VWA3B: variants seen among roughly 807,000 people sequenced by gnomAD.
VWA3B encodes the protein von Willebrand factor A domain-containing protein 3B.
A neutral mutation model predicts 158.3 loss-of-function variants in VWA3B; 138 were observed. The ratio of observed to expected loss-of-function variants is 0.87; its 90% CI spans 0.76 to 1.00. The LOEUF (loss-of-function observed/expected upper bound fraction) is 1.00, where lower values mean the gene tolerates loss of function less well. VWA3B is among the 50% of genes least tolerant of loss of function. The pLI is 0.00. For missense variants in VWA3B, 1,555 were observed against 1,565.1 expected (o/e 0.99, Z 0.11); for synonymous variants, 596 against 587.3 (o/e 1.01, Z -0.21).
intron 1 of VWA3B, among the ~76,000 whole-genome samples, chr2:98,090,420 A>G (rs1682195457): frequency 6.6e-6 from 1 of 152,238 alleles, no homozygotes. Context: ...TGTTTCCAAC[A>G]TATAAAGTGC....
At chr2:98,135,511 A>G (rs1378975985) in intron 7 of VWA3B, among the ~76,000 whole-genome samples, 2 of 149,446 alleles carry the variant, frequency 1.3e-5, no homozygotes, top group East Asian at 3.9e-4. Flanking sequence ...AATTTTTTGT[A>G]TTTTTAGTAG....
intron 19 of VWA3B, among the ~76,000 whole-genome samples, chr2:98,246,808 G>A (rs1488724991): frequency 7.2e-5 from 11 of 152,106 alleles, no homozygotes; most frequent in Non-Finnish European, 1.0e-4. Flanking sequence ...ATGTTTTTGA[G>A]ATTTTATCTA....
chr2:98,134,320 T>C (rs992954612), intron 7 of VWA3B, among the ~76,000 whole-genome samples: 1 of 152,170 alleles, frequency 6.6e-6, no homozygotes, highest in Non-Finnish European at 1.5e-5. Context: ...CTCCCTGTGA[T>C]GAAAGCAGGG....
intron 3 of VWA3B, among the ~76,000 whole-genome samples, chr2:98,118,255 G>A (rs1366657145): frequency 6.6e-6 from 1 of 152,138 alleles, no homozygotes; most frequent in African/African-American, 2.4e-5. Flanking sequence ...GGATGCTGGT[G>A]AAGGAGCTGG....
At chr2:98,097,239 A>T (rs1682778952) in intron 2 of VWA3B, among the ~76,000 whole-genome samples, 1 of 152,100 alleles carries the variant, frequency 6.6e-6, no homozygotes, top group African/African-American at 2.4e-5. Flanking sequence ...TTAGTTTTTT[A>T]TTCCTCACCG....
At chr2:98,326,639 T>C in the VWA3B span, among the ~76,000 whole-genome samples, 1 of 152,044 alleles carries the variant, frequency 6.6e-6, no homozygotes, top group African/African-American at 2.4e-5. Context: ...CATGCACCTG[T>C]GGTCCCAGTT....
chr2:98,266,024 G>A (rs1339389133), intron 21 of VWA3B, among the ~76,000 whole-genome samples: 5 of 146,776 alleles, frequency 3.4e-5, no homozygotes, highest in Non-Finnish European at 6.1e-5. Context: ...AGTTTCTTTT[G>A]CTGTGCAGAA....
At chr2:98,216,877 G>A in intron 13 of VWA3B, 1 of 1,222,028 alleles carries the variant, frequency 8.2e-7, no homozygotes, top group Non-Finnish European at 1.1e-6. Flanking sequence ...GGGCAGTGCT[G>A]GATGAGCTTC....
At chr2:98,193,122 A>C in intron 11 of VWA3B, 86 bp downstream of exon 11, 1 of 1,497,380 alleles carries the variant, frequency 6.7e-7, no homozygotes, top group Non-Finnish European at 8.9e-7. Context: ...TGCTCTAAAA[A>C]ATTCCTAAGA....
intron 1 of VWA3B, among the ~76,000 whole-genome samples, chr2:98,087,693 AT>A (rs1380881441): frequency 2.0e-5 from 3 of 152,202 alleles, no homozygotes; most frequent in Admixed American, 2.0e-4. Context: ...GTTCAAGGTG[AT>A]GAAGTCCACC....
chr2:98,216,745 T>C (rs759342255), intron 13 of VWA3B: 7 of 475,578 alleles, frequency 1.5e-5, no homozygotes, highest in Admixed American at 4.7e-5. Context: ...ATTTGTGGAA[T>C]GCCTTCCAGG....
intron 6 of VWA3B, among the ~76,000 whole-genome samples, chr2:98,129,206 G>GA (rs1553640725): frequency 2.0e-4 from 26 of 128,340 alleles, no homozygotes; most frequent in Non-Finnish European, 2.2e-4. Context: ...GAGAGAGAGA[G>GA]GAGAGAGAGA....
chr2:98,218,094 G>A (rs1213103599), intron 14 of VWA3B, 66 bp downstream of exon 14: 1 of 1,486,150 alleles, frequency 6.7e-7, no homozygotes, highest in Non-Finnish European at 9.0e-7. Flanking sequence ...GGCGGTCCCT[G>A]GGTAATACCT....
At chr2:98,172,623 C>G (rs1007934208) in intron 8 of VWA3B, among the ~76,000 whole-genome samples, 4 of 152,172 alleles carry the variant, frequency 2.6e-5, no homozygotes, top group Non-Finnish European at 4.4e-5. Context: ...ACTTCCATAT[C>G]GTTTAAAGGG....
chr2:98,278,361 C>A (rs186591368), intron 22 of VWA3B, among the ~76,000 whole-genome samples: 1 of 152,340 alleles, frequency 6.6e-6, no homozygotes, highest in East Asian at 1.9e-4. Context: ...CCCCAGAGGG[C>A]GTGTGTTACC....
intron 22 of VWA3B, among the ~76,000 whole-genome samples, chr2:98,286,482 A>G (rs1689172657): frequency 6.6e-6 from 1 of 151,980 alleles, no homozygotes; most frequent in African/African-American, 2.4e-5. Context: ...AGGGTGTTGG[A>G]TTTTGTCAAA....
At chr2:98,255,740 G>A (rs541095719) in intron 20 of VWA3B, among the ~76,000 whole-genome samples, 34 of 152,226 alleles carry the variant, frequency 2.2e-4, no homozygotes, top group Non-Finnish European at 4.4e-4. Flanking sequence ...TTTGATCTGA[G>A]AATCCAGGCA....
chr2:98,139,128 T>C (rs1459019465), intron 7 of VWA3B, among the ~76,000 whole-genome samples: 1 of 152,152 alleles, frequency 6.6e-6, no homozygotes, highest in Non-Finnish European at 1.5e-5. Flanking sequence ...CCCCAGGCAA[T>C]GAGGGGCTTA....
rs529180792 is a variant in VWA3B, at chr2:98,268,571, A to G, written c.2844-2111A>G. The stretch of plus-strand genomic sequence containing the variant: ...GTTGATATTCTCATTTTGTTCATGC[A>G]TCACTTTTCTGAGTTGTATTTGTTG... On this transcript the variant is annotated intron_variant, in intron 21 of 27. Transcript: ENST00000477737. Among the ~76,000 whole-genome samples, 9 of 151,700 alleles carry G rather than the reference A, an allele frequency of 5.9e-5. 1 individual carries two copies. The South Asian group carries it at 1.7e-3, about 28-fold the overall frequency.
Sources: gnomAD v4.1 joint callset for allele counts (sites outside exome capture counted in the v4.1 genomes callset) on GRCh38, gnomAD v4.1.1 for gene constraint, MANE v1.5 for transcripts, NCBI Gene and HGNC (gene_info 2026-07-23, HGNC 2026-07-21) for gene names.